Variants in THADA observed in about 807,000 individuals in gnomAD.
THADA encodes the protein THADA armadillo repeat containing.
THADA carries 213 observed loss-of-function variants against 219.8 expected under a neutral mutation model. That is an observed-to-expected ratio of 0.97 (90% confidence interval 0.87 to 1.09). THADA has a LOEUF of 1.09. Ranked by LOEUF, THADA falls within the 50% of genes least tolerant of loss-of-function variation. The pLI, the probability that THADA is intolerant of heterozygous loss-of-function variation, is 0.00. For synonymous variants in THADA, 1,018 were observed against 828.9 expected (o/e 1.23, Z -3.92); for missense variants, 2,956 against 2,311.3 (o/e 1.28, Z -5.72).
intron 22 of THADA, among the ~76,000 whole-genome samples, chr2:43,514,626 ATATG>A (rs1412191949): frequency 4.8e-5 from 5 of 104,018 alleles, no homozygotes; most frequent in Non-Finnish European, 7.0e-5. Flanking sequence ...TATTTTATAT[ATATG>A]TATATTTTAT....
At position 43,482,676 on chromosome 2, in the gene THADA, G is replaced by A. The variant is rs185405284; in HGVS notation, c.3836+2558C>T. Among the ~76,000 whole-genome samples, 370 of 152,184 alleles carry A rather than the reference G, an allele frequency of 2.4e-3. 2 individuals are homozygous for A. Among genetic ancestry groups the A allele is most frequent in the African/African-American group, 8.5e-3 (355 of 41,522 alleles). ...AATTATTCCTATATGCCTTCTATAT[G>A]CCAGATACTATGCTAGACTCTAGGT... On this transcript the variant is annotated intron_variant, in intron 26 of 37. Coordinates refer to ENST00000405975, the MANE Select transcript of THADA (RefSeq NM_022065.5).
chr2:43,256,677 C>T (rs996049091), intron 36 of THADA, among the ~76,000 whole-genome samples: 1 of 151,660 alleles, frequency 6.6e-6, no homozygotes, highest in Admixed American at 6.6e-5. Context: ...CTCCCAGGGT[C>T]AAGTGATCCT....
intron 29 of THADA, among the ~76,000 whole-genome samples, chr2:43,389,673 A>G (rs6544650): frequency 0.43 from 64,615 of 151,684 alleles, 14,471 homozygotes; most frequent in African/African-American, 0.51. Flanking sequence ...AGGCTGGTTT[A>G]CTCACTGCCT....
intron 8 of THADA, among the ~76,000 whole-genome samples, 165 bp downstream of exon 8, chr2:43,581,576 A>C (rs35208978): frequency 0.18 from 26,442 of 150,806 alleles, 2,526 homozygotes; most frequent in Middle Eastern, 0.25. Flanking sequence ...AAAAAAAAAA[A>C]AACCATGTAG....
intron 37 of THADA, among the ~76,000 whole-genome samples, chr2:43,232,444 C>T (rs1014124627): frequency 1.3e-5 from 2 of 152,104 alleles, no homozygotes; most frequent in Non-Finnish European, 2.9e-5. Context: ...TCCCAAAGTG[C>T]TGGGATTACA....
In THADA at chr2:43,390,197, G is replaced by A. The variant is rs73923589; in HGVS notation, c.4227+7774C>T. Among the ~76,000 whole-genome samples, 940 of 152,216 alleles carry A rather than the reference G, an allele frequency of 6.2e-3. 13 individuals carry two copies. The highest frequency in any genetic ancestry group is 0.022 in the African/African-American group (912 of 41,520). Reference sequence around the variant, plus strand: ...ACCATGACAGACTGACGGTATTCACGGTGATTCCAGAAGAAAAGGGTTTCA... The same window carrying A: ...ACCATGACAGACTGACGGTATTCACAGTGATTCCAGAAGAAAAGGGTTTCA... On this transcript the variant is annotated intron_variant, in intron 29 of 37. Transcript: ENST00000405975.
intron 24 of THADA, among the ~76,000 whole-genome samples, chr2:43,502,993 TA>T (rs1689203345): frequency 1.3e-5 from 2 of 152,114 alleles, no homozygotes; most frequent in Middle Eastern, 3.2e-3. Context: ...AGCTAACTAG[TA>T]ATAAGAAAGA....
intron 26 of THADA, among the ~76,000 whole-genome samples, chr2:43,453,816 TA>T (rs1340170078): frequency 2.0e-5 from 3 of 152,220 alleles, no homozygotes; most frequent in Admixed American, 1.3e-4. Flanking sequence ...CAAAATCGTT[TA>T]AAGACTGAAG....
chr2:43,294,867 A>C (rs1465221866), intron 31 of THADA, among the ~76,000 whole-genome samples: 1 of 152,232 alleles, frequency 6.6e-6, no homozygotes, highest in African/African-American at 2.4e-5. Flanking sequence ...TGAAGGGATA[A>C]AACTGGCAGG....
intron 27 of THADA, among the ~76,000 whole-genome samples, chr2:43,429,546 A>C (rs1249861684): frequency 6.6e-6 from 1 of 152,138 alleles, no homozygotes; most frequent in Non-Finnish European, 1.5e-5. Flanking sequence ...CATATTAGTC[A>C]GCTAATCGCT....
At chr2:43,478,513 A>G (rs913735839) in intron 26 of THADA, among the ~76,000 whole-genome samples, 1 of 152,198 alleles carries the variant, frequency 6.6e-6, no homozygotes, top group South Asian at 2.1e-4. Context: ...TAATCCTGGT[A>G]TTACATTATA....
chr2:43,410,271 T>C (rs1044277663), intron 28 of THADA, among the ~76,000 whole-genome samples: 1 of 152,168 alleles, frequency 6.6e-6, no homozygotes, highest in Non-Finnish European at 1.5e-5. Flanking sequence ...ATGGAACAAT[T>C]AGAATTCTCA....
intron 25 of THADA, among the ~76,000 whole-genome samples, chr2:43,493,674 T>C (rs1687931349): frequency 6.6e-6 from 1 of 152,180 alleles, no homozygotes; most frequent in Non-Finnish European, 1.5e-5. Flanking sequence ...AGATGAGTGA[T>C]ATTTTTAAAC....
chr2:43,270,819 C>A (rs938222828), intron 36 of THADA, among the ~76,000 whole-genome samples: 1 of 152,150 alleles, frequency 6.6e-6, no homozygotes, highest in African/African-American at 2.4e-5. Context: ...TGAACAGCCA[C>A]CAGTACTCCA....
intron 26 of THADA, among the ~76,000 whole-genome samples, chr2:43,432,241 C>T (rs1308242515): frequency 6.6e-6 from 1 of 152,116 alleles, no homozygotes; most frequent in Non-Finnish European, 1.5e-5. Flanking sequence ...CCGCCCACCT[C>T]AGCCTCCCAA....
chr2:43,275,402 G>A (rs925304388), intron 36 of THADA, among the ~76,000 whole-genome samples: 13 of 152,278 alleles, frequency 8.5e-5, no homozygotes, highest in Middle Eastern at 6.8e-3. Context: ...GAGCAAGAAA[G>A]GGGGAGATCC....
intron 29 of THADA, among the ~76,000 whole-genome samples, chr2:43,385,248 G>A (rs1476206253): frequency 6.6e-6 from 1 of 152,098 alleles, no homozygotes; most frequent in Non-Finnish European, 1.5e-5. Context: ...TTATAAAGCA[G>A]GAAACTGAAA....
At chr2:43,580,086 A>G (rs1371913312) in intron 8 of THADA, among the ~76,000 whole-genome samples, 3 of 140,348 alleles carry the variant, frequency 2.1e-5, no homozygotes, top group Admixed American at 7.5e-5. Context: ...GTGCAGTGGC[A>G]TGATCTTGGC....
At chr2:43,455,376 T>TA (rs11385751) in intron 26 of THADA, among the ~76,000 whole-genome samples, 16,771 of 152,144 alleles carry the variant, frequency 0.11, 1,064 homozygotes, top group African/African-American at 0.16. Context: ...TTCCCGTTTT[T>TA]AAAAAATCTC....
Sources: gnomAD v4.1 joint callset for allele counts (sites outside exome capture counted in the v4.1 genomes callset) on GRCh38, gnomAD v4.1.1 for gene constraint, MANE v1.5 for transcripts, NCBI Gene and HGNC (gene_info 2026-07-23, HGNC 2026-07-21) for gene names.